RBM15B: variants seen among roughly 807,000 people sequenced by gnomAD.
The protein encoded by RBM15B is RNA binding motif protein 15B.
Under a neutral mutation model 53.3 loss-of-function variants are expected in RBM15B, and 11 were observed. The ratio of observed to expected loss-of-function variants is 0.21; its 90% CI spans 0.13 to 0.34. RBM15B has a LOEUF of 0.34. Among genes scored for constraint, RBM15B ranks in the 10% least tolerant of loss-of-function variants. RBM15B has a pLI of 1.00. For missense variants in RBM15B, 1,136 were observed against 1,250.3 expected (o/e 0.91, Z 1.38); for synonymous variants, 631 against 540.7 (o/e 1.17, Z -2.32).
chr3:51,391,997 G>T lies in RBM15B; in HGVS notation c.598G>T (p.Ala200Ser). The T allele has an allele frequency of 1.3e-6, 2 of 1,598,700 alleles. No homozygotes were observed. Among genetic ancestry groups the T allele is most frequent in the Non-Finnish European group, 8.5e-7 (1 of 1,177,986 alleles). The change falls in exon 1 of 1, where the codon GCC (alanine) becomes TCC (serine). Residue 200 changes from alanine (A) to serine (S), a missense_variant. Around this residue, in one of 7 missense-constraint regions of RBM15B, gnomAD observed 204 missense variants for 196.8 expected, o/e 1.04. Transcript: ENST00000563281. This position sits in a 1 kb window ranked among gnomAD's most constrained non-coding sequence, Gnocchi z 4.5. ...PQDAREARQH[A>S]LARQLLLYDR... Reference sequence around the variant, plus strand: ...GGACGCACGCGAGGCCCGCCAGCACGCCCTGGCCCGGCAGCTGCTGCTCTA... The same window carrying T: ...GGACGCACGCGAGGCCCGCCAGCACTCCCTGGCCCGGCAGCTGCTGCTCTA...
chr3:51,391,481 C>T lies in RBM15B; in HGVS notation c.82C>T (p.Arg28Trp). 3 of 1,213,204 alleles carry T rather than the reference C, an allele frequency of 2.5e-6. No homozygotes were observed. The highest frequency in any genetic ancestry group is 3.1e-6 in the Non-Finnish European group (3 of 974,802). 75.2% of individuals were successfully genotyped at this position (1,213,204 alleles called of 1,614,324 possible). A position where few individuals can be genotyped will look rare whatever the true frequency, so the allele number is the denominator to read the frequency against. ...SSAKRPRERE[R>W]EAEAGGRRAA... ...CGCCAAGCGTCCGCGGGAGCGCGAACGGGAGGCGGAGGCGGGCGGGCGGCG... is the reference window on the plus strand; with the variant it reads ...CGCCAAGCGTCCGCGGGAGCGCGAATGGGAGGCGGAGGCGGGCGGGCGGCG... Residue 28 changes from arginine (R) to tryptophan (W), a missense_variant, in exon 1 of 1, where the codon CGG becomes TGG. By Grantham distance (101) the Arg-to-Trp change is moderately radical (BLOSUM62 -3). Coordinates refer to ENST00000563281, the MANE Select transcript of RBM15B (RefSeq NM_013286.5). The surrounding 1 kb of genome is among the most constrained non-coding windows in gnomAD (Gnocchi z 4.5).
chr3:51,393,111 G>A lies in RBM15B; in HGVS notation c.1712G>A (p.Arg571His). Residue 571 changes from arginine (R) to histidine (H), a missense_variant, in exon 1 of 1, where the codon CGC (arginine) becomes CAC (histidine). Coordinates refer to ENST00000563281, the MANE Select transcript of RBM15B (RefSeq NM_013286.5). This position sits in a 1 kb window ranked among gnomAD's most constrained non-coding sequence, Gnocchi z 5.6. ...CTTGAGGGCTACAGTCGCTCAGTGC[G>A]CAGCCGGAGTGGTGAGCGTTGGGGG... Reference protein sequence around the residue: ...NSLEGYSRSVRSRSGERWGAD... With the variant: ...NSLEGYSRSVHSRSGERWGAD... The A allele has an allele frequency of 6.2e-7, 1 of 1,614,070 alleles. No homozygotes were observed. The highest frequency in any genetic ancestry group is 8.5e-7 in the Non-Finnish European group (1 of 1,180,022).
Position 51,395,609 on chromosome 3 carries a change from G to A in RBM15B, c.*1537G>A. The A allele has an allele frequency of 2.5e-6, 1 of 406,900 alleles. No individual in the cohort carries two copies. Among genetic ancestry groups the A allele is most frequent in the Non-Finnish European group, 4.5e-6 (1 of 222,586 alleles). The allele number at this position is 406,900 out of a possible 1,614,324, so 25.2% of individuals were successfully genotyped here. On this transcript the variant is annotated 3_prime_UTR_variant, in exon 1 of 1. Coordinates refer to ENST00000563281, the MANE Select transcript of RBM15B (RefSeq NM_013286.5). The stretch of plus-strand genomic sequence containing the variant: ...AACAGAAGCTCTGGTAAGCGAATGA[G>A]CCCCTAGATGATAACCAGGAACTCC...
Position 51,396,063 on chromosome 3 carries a change from A to G in RBM15B, c.*1991A>G, listed in dbSNP as rs782146326. The G allele has an allele frequency of 2.9e-5, 12 of 411,474 alleles. No individual in the cohort carries two copies. Among genetic ancestry groups the G allele is most frequent in the Admixed American group, 2.2e-4 (5 of 22,686 alleles). The allele number at this position is 411,474 out of a possible 1,614,324, so 25.5% of individuals were successfully genotyped here. ...TGCAGTGGTTTTCCTGCAGCTCTCC[A>G]ACAAACGCCTGAGTCACAGGCCAGA... On this transcript the variant is annotated 3_prime_UTR_variant, in exon 1 of 1. Transcript: ENST00000563281.
chr3:51,395,560 G>A lies in RBM15B; in HGVS notation c.*1488G>A, dbSNP rs138311601. On this transcript the variant is annotated 3_prime_UTR_variant, in exon 1 of 1. Coordinates refer to ENST00000563281, the MANE Select transcript of RBM15B (RefSeq NM_013286.5). ...GTCTGGTACCTTGGATGTTCAAACA[G>A]GGAACACTGTCAGGGCTGAGGAGAA... 2.8e-4 allele frequency: 108 copies of A among 383,398 alleles called. No individual in the cohort carries two copies. The highest frequency in any genetic ancestry group is 2.0e-3 in the African/African-American group (94 of 48,180). 23.7% of individuals were successfully genotyped at this position (383,398 alleles called of 1,614,324 possible).
In RBM15B at chr3:51,391,461, A is replaced by G; in HGVS notation, c.62A>G (p.Lys21Arg). The change falls in exon 1 of 1, where the codon AAG becomes AGG. Residue 21 changes from lysine (K) to arginine (R), a missense_variant. Around this residue, in one of 7 missense-constraint regions of RBM15B, gnomAD observed 257 missense variants for 261.1 expected, o/e 0.98. Transcript: ENST00000563281. The surrounding 1 kb of genome is among the most constrained non-coding windows in gnomAD (Gnocchi z 4.5). ...GGGCGCGGCTCGTCATCGTCCGCCA[A>G]GCGTCCGCGGGAGCGCGAACGGGAG... is the stretch of plus-strand genomic sequence containing the variant. Reference protein sequence around the residue: ...PSGRGSSSSAKRPREREREAE... With the variant: ...PSGRGSSSSARRPREREREAE... 1.6e-6 allele frequency: 2 copies of G among 1,261,700 alleles called. No homozygotes were observed. Among genetic ancestry groups the G allele is most frequent in the East Asian group, 3.5e-5 (1 of 28,588 alleles). The allele number at this position is 1,261,700 out of a possible 1,614,324, so 78.2% of individuals were successfully genotyped here.
At position 51,394,231 on chromosome 3, in the gene RBM15B, T is replaced by A; in HGVS notation, c.*159T>A. Reference sequence around the variant, plus strand: ...AGTCCTGTCCACCACCAAAACTAAGTTCTTAGATTTTGGGGGATTTTTTTT... The same window carrying A: ...AGTCCTGTCCACCACCAAAACTAAGATCTTAGATTTTGGGGGATTTTTTTT... On this transcript the variant is annotated 3_prime_UTR_variant, in exon 1 of 1. Coordinates refer to ENST00000563281, the MANE Select transcript of RBM15B (RefSeq NM_013286.5). 1 of 1,072,962 alleles carries A rather than the reference T, an allele frequency of 9.3e-7. No homozygotes were observed. The highest frequency in any genetic ancestry group is 1.2e-6 in the Non-Finnish European group (1 of 829,556). The allele number at this position is 1,072,962 out of a possible 1,614,324, so 66.5% of individuals were successfully genotyped here.
In RBM15B at chr3:51,394,232, T is replaced by A; in HGVS notation, c.*160T>A. ...GTCCTGTCCACCACCAAAACTAAGTTCTTAGATTTTGGGGGATTTTTTTTT... is the reference window on the plus strand; with the variant it reads ...GTCCTGTCCACCACCAAAACTAAGTACTTAGATTTTGGGGGATTTTTTTTT... On this transcript the variant is annotated 3_prime_UTR_variant, in exon 1 of 1. Transcript: ENST00000563281. 9.3e-7 allele frequency: 1 copy of A among 1,072,222 alleles called. No homozygotes were observed. The highest frequency in any genetic ancestry group is 1.2e-6 in the Non-Finnish European group (1 of 828,832). 66.4% of individuals were successfully genotyped at this position (1,072,222 alleles called of 1,614,324 possible). A position where few individuals can be genotyped will look rare whatever the true frequency, so the allele number is the denominator to read the frequency against.
In RBM15B at chr3:51,391,465, T is replaced by C; in HGVS notation, c.66T>C (p.Arg22=). 8.0e-7 allele frequency: 1 copy of C among 1,253,996 alleles called. No individual in the cohort carries two copies. 77.7% of individuals were successfully genotyped at this position (1,253,996 alleles called of 1,614,324 possible). Residue 22 remains arginine, a synonymous_variant, in exon 1 of 1, where the codon CGT becomes CGC. Coordinates refer to ENST00000563281, the MANE Select transcript of RBM15B (RefSeq NM_013286.5). This position sits in a 1 kb window ranked among gnomAD's most constrained non-coding sequence, Gnocchi z 4.5. The part of the protein sequence containing the change: ...SGRGSSSSAK[R]PREREREAEA... ...GCGGCTCGTCATCGTCCGCCAAGCGTCCGCGGGAGCGCGAACGGGAGGCGG... is the reference window on the plus strand; with the variant it reads ...GCGGCTCGTCATCGTCCGCCAAGCGCCCGCGGGAGCGCGAACGGGAGGCGG...
rs1559458569 is a variant in RBM15B at position 51,395,908 on chromosome 3, T to TTTAC, written c.*1839_*1842dup. The TTTAC allele has an allele frequency of 2.4e-6, 1 of 413,518 alleles. No individual in the cohort carries two copies. The allele number at this position is 413,518 out of a possible 1,614,324, so 25.6% of individuals were successfully genotyped here. ...TTATTTATTTGCCTGTTTTTGTTTT[T>TTTAC]TTACTTGAGCTGTGGTCACAGCTGC... On this transcript the variant is annotated 3_prime_UTR_variant, in exon 1 of 1. Coordinates refer to ENST00000563281, the MANE Select transcript of RBM15B (RefSeq NM_013286.5).
rs1253194898 is a variant in RBM15B at position 51,391,715 on chromosome 3, T to C, written c.316T>C (p.Ser106Pro). The C allele has an allele frequency of 7.1e-7, 1 of 1,407,626 alleles. No homozygotes were observed. The highest frequency in any genetic ancestry group is 1.5e-5 in the African/African-American group (1 of 66,206). The allele number at this position is 1,407,626 out of a possible 1,614,324, so 87.2% of individuals were successfully genotyped here. ...GGKASGDPGA[S>P]GMSPRASPLP... ...CAAGGCCTCGGGGGACCCGGGCGCC[T>C]CCGGCATGTCGCCCCGCGCGTCTCC... The change falls in exon 1 of 1, where the codon TCC becomes CCC. Residue 106 changes from serine to proline, a missense_variant. Around this residue, in one of 7 missense-constraint regions of RBM15B, gnomAD observed 257 missense variants for 261.1 expected, o/e 0.98. Coordinates refer to ENST00000563281, the MANE Select transcript of RBM15B (RefSeq NM_013286.5). The surrounding 1 kb of genome is among the most constrained non-coding windows in gnomAD (Gnocchi z 4.5).
rs375041953 is a variant in RBM15B, at chr3:51,392,844, A to G, written c.1445A>G (p.Asp482Gly). 6 of 1,613,934 alleles carry G rather than the reference A, an allele frequency of 3.7e-6. No homozygotes were observed. The highest frequency in any genetic ancestry group is 3.3e-5 in the South Asian group (3 of 91,092). ...AGGGGTTTTCCCTTGGGTGGACCAG[A>G]CCGCAGGCTCCGCGTGGATTTTGCC... ...KMRGFPLGGP[D>G]RRLRVDFAKA... is the part of the protein sequence containing the mutation. The change falls in exon 1 of 1, where the codon GAC (aspartate) becomes GGC (glycine). Residue 482 changes from aspartate (D) to glycine (G), a missense_variant. By Grantham distance (94) the Asp-to-Gly change is moderately conservative. This residue lies in a region of RBM15B where 578 missense variants were observed against 581.6 expected (regional missense o/e 0.99). Transcript: ENST00000563281. This position sits in a 1 kb window ranked among gnomAD's most constrained non-coding sequence, Gnocchi z 7.5.
chr3:51,395,860 A>G lies in RBM15B; in HGVS notation c.*1788A>G. Reference sequence around the variant, plus strand: ...CAAGCACGTTCATAACAAAACAGCAACACAAAGACATGTTAAGCATGTTTA... The same window carrying G: ...CAAGCACGTTCATAACAAAACAGCAGCACAAAGACATGTTAAGCATGTTTA... On this transcript the variant is annotated 3_prime_UTR_variant, in exon 1 of 1. Coordinates refer to ENST00000563281, the MANE Select transcript of RBM15B (RefSeq NM_013286.5). 4.8e-6 allele frequency: 2 copies of G among 413,574 alleles called. No individual in the cohort carries two copies. Among genetic ancestry groups the G allele is most frequent in the Non-Finnish European group, 8.8e-6 (2 of 226,158 alleles). 25.6% of individuals were successfully genotyped at this position (413,574 alleles called of 1,614,324 possible).
At position 51,392,683 on chromosome 3, in the gene RBM15B, C is replaced by G; in HGVS notation, c.1284C>G (p.Asn428Lys). 6.2e-7 allele frequency: 1 copy of G among 1,614,194 alleles called. No individual in the cohort carries two copies. Among genetic ancestry groups the G allele is most frequent in the Non-Finnish European group, 8.5e-7 (1 of 1,180,034 alleles). Residue 428 changes from asparagine to lysine, a missense_variant, in exon 1 of 1, where the codon AAC (asparagine) becomes AAG (lysine). Physicochemically the swap from Asn to Lys is moderately conservative, Grantham distance 94 (BLOSUM62 0). Around this residue, in one of 7 missense-constraint regions of RBM15B, gnomAD observed 45 missense variants for 80.7 expected, o/e 0.56. Coordinates refer to ENST00000563281, the MANE Select transcript of RBM15B (RefSeq NM_013286.5). This position sits in a 1 kb window ranked among gnomAD's most constrained non-coding sequence, Gnocchi z 7.5. ...TRLWVGGLGP[N>K]TSLAALAREF... is the part of the protein sequence containing the mutation. ...TCTGGGTGGGTGGCCTGGGACCTAA[C>G]ACGTCACTGGCGGCTCTGGCCCGAG...
At position 51,391,332 on chromosome 3, in the gene RBM15B, C is replaced by T. The variant is rs1214438428; in HGVS notation, c.-68C>T. The stretch of plus-strand genomic sequence containing the variant: ...ATGGCGGCGCCGGGGGCGCTGCCTC[C>T]TCGGCCGCCGCCTCCGCCGCCGCCG... On this transcript the variant is annotated 5_prime_UTR_variant, in exon 1 of 1. Transcript: ENST00000563281. The surrounding 1 kb of genome is among the most constrained non-coding windows in gnomAD (Gnocchi z 4.5). 4.7e-5 allele frequency: 55 copies of T among 1,168,826 alleles called. No homozygotes were observed. The highest frequency in any genetic ancestry group is 5.8e-5 in the Non-Finnish European group (55 of 947,114). The allele number at this position is 1,168,826 out of a possible 1,614,324, so 72.4% of individuals were successfully genotyped here.
In RBM15B at chr3:51,396,137, A is replaced by C. The variant is rs1343304754; in HGVS notation, c.*2065A>C. On this transcript the variant is annotated 3_prime_UTR_variant, in exon 1 of 1. Coordinates refer to ENST00000563281, the MANE Select transcript of RBM15B (RefSeq NM_013286.5). ...CCAAAACTTCTTCTCTGGGCTACCT[A>C]TCTTCCTTCATGAAGCAGGTGCTCA... The C allele has an allele frequency of 2.5e-6, 1 of 401,514 alleles. No individual in the cohort carries two copies. The highest frequency in any genetic ancestry group is 2.1e-5 in the African/African-American group (1 of 48,414). The allele number at this position is 401,514 out of a possible 1,614,324, so 24.9% of individuals were successfully genotyped here.
Position 51,392,304 on chromosome 3 carries a change from G to A in RBM15B, c.905G>A (p.Arg302Gln). The part of the protein sequence containing the change: ...AAAAVGLSRE[R>Q]ALDYYGLYDD... ...GCCGCCGTGGGACTGTCCCGGGAGC[G>A]GGCCCTGGACTACTACGGGCTGTAC... The change falls in exon 1 of 1, where the codon CGG becomes CAG. Residue 302 changes from arginine (R) to glutamine (Q), a missense_variant. Physicochemically the swap from Arg to Gln is conservative, Grantham distance 43. This residue lies in a region of RBM15B where 204 missense variants were observed against 196.8 expected (regional missense o/e 1.04). Transcript: ENST00000563281. The surrounding 1 kb of genome is among the most constrained non-coding windows in gnomAD (Gnocchi z 7.5). 6.2e-7 allele frequency: 1 copy of A among 1,610,120 alleles called. No individual in the cohort carries two copies. Among genetic ancestry groups the A allele is most frequent in the Non-Finnish European group, 8.5e-7 (1 of 1,178,908 alleles).
chr3:51,397,154 G>A lies in RBM15B; in HGVS notation c.*3082G>A, dbSNP rs1460972934. 2.4e-5 allele frequency: 4 copies of A among 167,064 alleles called. No individual in the cohort carries two copies. Among genetic ancestry groups the A allele is most frequent in the African/African-American group, 9.6e-5 (4 of 41,454 alleles). 10.3% of individuals were successfully genotyped at this position (167,064 alleles called of 1,614,324 possible). A position where few individuals can be genotyped will look rare whatever the true frequency, so the allele number is the denominator to read the frequency against. ...TAAGGGAGAGAAGTCACTTTAGCTG[G>A]ATAATACCTATGTAACAAACTGAGC... On this transcript the variant is annotated 3_prime_UTR_variant, in exon 1 of 1. Coordinates refer to ENST00000563281, the MANE Select transcript of RBM15B (RefSeq NM_013286.5).
chr3:51,392,698 T>C lies in RBM15B; in HGVS notation c.1299T>C (p.Ala433=). ...TGGGACCTAACACGTCACTGGCGGC[T>C]CTGGCCCGAGAGTTTGACCGCTTTG... ...GGLGPNTSLA[A]LAREFDRFGS... The change falls in exon 1 of 1, where the codon GCT becomes GCC. Residue 433 remains alanine, a synonymous_variant. Coordinates refer to ENST00000563281, the MANE Select transcript of RBM15B (RefSeq NM_013286.5). The surrounding 1 kb of genome is among the most constrained non-coding windows in gnomAD (Gnocchi z 7.5). 1.2e-6 allele frequency: 2 copies of C among 1,614,164 alleles called. No homozygotes were observed. Among genetic ancestry groups the C allele is most frequent in the Non-Finnish European group, 1.7e-6 (2 of 1,180,040 alleles).
Sources: gnomAD v4.1 joint callset for allele counts on GRCh38, gnomAD v4.1.1 for gene constraint, gnomAD v4.1.1 regional missense constraint, Gnocchi (gnomAD v3.1) non-coding constraint, MANE v1.5 for transcripts, NCBI Gene and HGNC (gene_info 2026-07-23, HGNC 2026-07-21) for gene names.